Variants in AOPEP observed in about 807,000 individuals in gnomAD.
AOPEP encodes aminopeptidase O.
AOPEP carries 77 observed loss-of-function variants against 98.1 expected under a neutral mutation model. That is an observed-to-expected ratio of 0.78 (90% CI 0.65 to 0.95). The LOEUF (loss-of-function observed/expected upper bound fraction) is 0.95, where lower values mean the gene tolerates loss of function less well. AOPEP is among the 40% of genes least tolerant of loss of function. The pLI, the probability that AOPEP is intolerant of heterozygous loss-of-function variation, is 0.00. For synonymous variants in AOPEP, 346 were observed against 365.3 expected (o/e 0.95, Z 0.60); for missense variants, 1,024 against 1,024.7 (o/e 1.00, Z 0.01).
chr9:94,749,942 A>G (rs889923825), intron 1 of AOPEP, among the ~76,000 whole-genome samples: 4 of 152,068 alleles, frequency 2.6e-5, no homozygotes, highest in Non-Finnish European at 5.9e-5. Context: ...TAGACATTGT[A>G]TTTGATACTT....
At chr9:95,068,021 T>G (rs1293299174) in intron 14 of AOPEP, among the ~76,000 whole-genome samples, 5 of 152,226 alleles carry the variant, frequency 3.3e-5, no homozygotes. Context: ...ATTACTTCAT[T>G]CCTTTTTATT....
the AOPEP span, among the ~76,000 whole-genome samples, chr9:95,118,856 A>T: frequency 6.6e-6 from 1 of 152,210 alleles, no homozygotes; most frequent in East Asian, 1.9e-4. Context: ...TGGGGCTGTC[A>T]TGAATAAAGC....
chr9:94,799,873 AAAT>A (rs1564157000), intron 4 of AOPEP, among the ~76,000 whole-genome samples: 1 of 152,084 alleles, frequency 6.6e-6, no homozygotes, highest in African/African-American at 2.4e-5. Flanking sequence ...AAAAAAAAAA[AAAT>A]AATGAAATAA....
chr9:94,875,354 A>AAAAAAAAAAAAAAG (rs1198386448), intron 5 of AOPEP, among the ~76,000 whole-genome samples: 2 of 147,270 alleles, frequency 1.4e-5, no homozygotes, highest in African/African-American at 5.0e-5. Flanking sequence ...CAAGAAAAAA[A>AAAAAAAAAAAAAAG]AAAAAAAAAA....
chr9:94,922,499 T>C (rs2053770557), intron 5 of AOPEP, among the ~76,000 whole-genome samples: 1 of 152,250 alleles, frequency 6.6e-6, no homozygotes, highest in African/African-American at 2.4e-5. Flanking sequence ...TTTCTGTGGC[T>C]TTTTGTAGCA....
chr9:95,021,382 T>C (rs538428544), intron 13 of AOPEP, among the ~76,000 whole-genome samples: 3 of 152,314 alleles, frequency 2.0e-5, no homozygotes, highest in African/African-American at 4.8e-5. Context: ...CTCTCCTCCT[T>C]CTTAGCAAAA....
the AOPEP span, among the ~76,000 whole-genome samples, chr9:95,136,016 G>A: frequency 1.3e-5 from 2 of 152,150 alleles, no homozygotes; most frequent in African/African-American, 4.8e-5. Flanking sequence ...AACAACACAC[G>A]TACAGTGATT....
intron 5 of AOPEP, among the ~76,000 whole-genome samples, chr9:94,818,389 T>C (rs1852172140): frequency 6.6e-6 from 1 of 152,058 alleles, no homozygotes; most frequent in African/African-American, 2.4e-5. Context: ...AAATAATAGC[T>C]CCAGGGAGAA....
intron 1 of AOPEP, among the ~76,000 whole-genome samples, chr9:94,744,900 C>G (rs1235609745): frequency 1.3e-5 from 2 of 151,740 alleles, no homozygotes; most frequent in African/African-American, 4.8e-5. Context: ...AATCTGTTGA[C>G]TTCTCATTTT....
chr9:94,782,107 T>G (rs1843409293), intron 3 of AOPEP, among the ~76,000 whole-genome samples: 1 of 151,726 alleles, frequency 6.6e-6, no homozygotes, highest in African/African-American at 2.4e-5. Flanking sequence ...GGAGAATTGC[T>G]TGAACCCGGG....
intron 5 of AOPEP, among the ~76,000 whole-genome samples, chr9:94,916,711 T>TAAAA (rs1258413400): frequency 6.3e-4 from 87 of 137,102 alleles, no homozygotes; most frequent in African/African-American, 2.4e-3. Context: ...AAAAAAAAAT[T>TAAAA]AAATAAATAA....
At chr9:94,830,999 G>A (rs1001090880) in intron 5 of AOPEP, among the ~76,000 whole-genome samples, 5 of 151,998 alleles carry the variant, frequency 3.3e-5, no homozygotes, top group East Asian at 1.9e-4. Flanking sequence ...CATTCTTTAC[G>A]TTGTGTGTTT....
chr9:94,880,367 C>CTTTTTTTTTTTTTTTTTTTT (rs1196720030), intron 5 of AOPEP, among the ~76,000 whole-genome samples: 1 of 138,550 alleles, frequency 7.2e-6, no homozygotes, highest in Non-Finnish European at 1.6e-5. Flanking sequence ...TTCTTTTTTT[C>CTTTTTTTTTTTTTTTTTTTT]TTTTCTTTTT....
At chr9:94,948,296 A>G (rs1162302834) in intron 7 of AOPEP, among the ~76,000 whole-genome samples, 1 of 151,998 alleles carries the variant, frequency 6.6e-6, no homozygotes, top group East Asian at 1.9e-4. Flanking sequence ...TTAGCCTTGT[A>G]TAAAGCCGTG....
intron 5 of AOPEP, among the ~76,000 whole-genome samples, chr9:94,897,457 A>G (rs2049732844): frequency 6.6e-6 from 1 of 152,212 alleles, no homozygotes; most frequent in Non-Finnish European, 1.5e-5. Flanking sequence ...ACATCAAACC[A>G]CAGTAGGAAA....
intron 13 of AOPEP, among the ~76,000 whole-genome samples, chr9:95,035,009 A>G (rs562946447): frequency 2.0e-5 from 3 of 149,712 alleles, no homozygotes; most frequent in Admixed American, 6.7e-5. Context: ...TTTAAGTTCT[A>G]GGATACATGT....
chr9:94,776,785 A>G (rs560805666), intron 3 of AOPEP, among the ~76,000 whole-genome samples: 1 of 152,078 alleles, frequency 6.6e-6, no homozygotes, highest in African/African-American at 2.4e-5. Context: ...CATTTTCTCT[A>G]TAACTTTTTG....
intron 1 of AOPEP, among the ~76,000 whole-genome samples, chr9:94,732,566 A>G (rs534473880): frequency 6.6e-6 from 1 of 152,334 alleles, no homozygotes; most frequent in Admixed American, 6.5e-5. Context: ...TTGGTGTTTA[A>G]TAATGATATT....
chr9:94,948,063 C>A (rs889369997), intron 7 of AOPEP, among the ~76,000 whole-genome samples: 1 of 152,156 alleles, frequency 6.6e-6, no homozygotes, highest in South Asian at 2.1e-4. Context: ...TTTAAAAACT[C>A]TTTCTCTCTA....
Sources: allele counts gnomAD v4.1 joint callset (sites outside exome capture counted in the v4.1 genomes callset), GRCh38; gene constraint gnomAD v4.1.1; transcripts MANE v1.5; gene names NCBI Gene and HGNC (gene_info 2026-07-23, HGNC 2026-07-21).